Variants in PRKAR1B observed in about 807,000 individuals in gnomAD.
PRKAR1B encodes the protein cAMP-dependent protein kinase type I-beta regulatory subunit.
Under a neutral mutation model 46.5 loss-of-function variants are expected in PRKAR1B, and 22 were observed. That is an observed-to-expected ratio of 0.47 (90% CI 0.34 to 0.68). The LOEUF (loss-of-function observed/expected upper bound fraction) is 0.68. PRKAR1B is among the 30% of genes least tolerant of loss of function. The pLI is 0.01. For synonymous variants in PRKAR1B, 259 were observed against 217.7 expected, an observed-to-expected ratio of 1.19 and a Z score of -1.67; for missense variants, 445 against 535.6, an observed-to-expected ratio of 0.83 and a Z score of 1.67.
At chr7:695,055 C>T (rs1307120972) in intron 2 of PRKAR1B, among the ~76,000 whole-genome samples, 5 of 151,000 alleles carry the variant, frequency 3.3e-5, no homozygotes, top group South Asian at 4.2e-4. Context: ...AAGAACCAAG[C>T]GAACAAACGA....
intron 4 of PRKAR1B, among the ~76,000 whole-genome samples, chr7:665,430 C>T (rs1391354671): frequency 6.6e-6 from 1 of 152,154 alleles, no homozygotes; most frequent in Non-Finnish European, 1.5e-5. Flanking sequence ...ATGCCCGAGG[C>T]CCATGGCCCA....
chr7:553,566 ACAGCCCCAGCCGGCCTG>A (rs1488235192), intron 9 of PRKAR1B, among the ~76,000 whole-genome samples: 1 of 152,196 alleles, frequency 6.6e-6, no homozygotes, highest in Non-Finnish European at 1.5e-5. Context: ...TCACGTCCCC[ACAGCCCCAGCCGGCCTG>A]GCAGACGGCG....
intron 1 of PRKAR1B, among the ~76,000 whole-genome samples, chr7:722,836 G>A (rs191230477): frequency 1.7e-4 from 26 of 152,330 alleles, no homozygotes; most frequent in Admixed American, 3.3e-4. Flanking sequence ...TACGATGTTT[G>A]CAGACTCCTT....
chr7:708,631 C>T (rs995450410), intron 2 of PRKAR1B, among the ~76,000 whole-genome samples: 1 of 151,958 alleles, frequency 6.6e-6, no homozygotes, highest in East Asian at 1.9e-4. Flanking sequence ...GGATTACAGG[C>T]ACATGCCACC....
chr7:685,369 T>TACATACATATATATATATATACAC (rs1469213474), intron 2 of PRKAR1B, among the ~76,000 whole-genome samples: 1 of 27,198 alleles, frequency 3.7e-5, no homozygotes, highest in African/African-American at 1.8e-4. Context: ...TATATACACA[T>TACATACATATATATATATATACAC]ATATATATAT....
Position 666,149 on chromosome 7 carries a change from G to A in PRKAR1B, c.440+11080C>T, listed in dbSNP as rs1238437209. Among the ~76,000 whole-genome samples the A allele has an allele frequency of 6.6e-6, 1 of 152,146 alleles. No individual in the cohort carries two copies. The highest frequency in any genetic ancestry group is 6.5e-5 in the Admixed American group (1 of 15,276). ...GCTCAGCGATGCTCCCCCTACAGGC[G>A]CCCTAATCAGGGAAAGCCGGGAAGG... On this transcript the variant is annotated intron_variant, in intron 4 of 10. Coordinates refer to ENST00000537384, the MANE Select transcript of PRKAR1B (RefSeq NM_001164760.2). This position sits in a 1 kb window ranked among gnomAD's most constrained non-coding sequence, Gnocchi z 4.9.
At chr7:563,674 C>T (rs1048454918) in intron 9 of PRKAR1B, among the ~76,000 whole-genome samples, 15 of 151,960 alleles carry the variant, frequency 9.9e-5, no homozygotes, top group East Asian at 3.9e-4. Context: ...CATGTGTGCA[C>T]GTGTGCATAC....
chr7:633,001 A>C (rs991454016), intron 4 of PRKAR1B, among the ~76,000 whole-genome samples: 2 of 152,246 alleles, frequency 1.3e-5, no homozygotes, highest in East Asian at 3.8e-4. Context: ...GAGGGAAGCC[A>C]GGCGCGCGGG....
At chr7:728,191 T>A (rs1479119328), upstream of PRKAR1B, among the ~76,000 whole-genome samples, 1 of 152,152 alleles carries the variant, frequency 6.6e-6, no homozygotes, top group Non-Finnish European at 1.5e-5. Flanking sequence ...TCTTGCCCTT[T>A]CCCTCCCCTG....
chr7:609,381 G>A (rs1782344746), intron 4 of PRKAR1B, among the ~76,000 whole-genome samples: 1 of 152,042 alleles, frequency 6.6e-6, no homozygotes, highest in African/African-American at 2.4e-5. Flanking sequence ...GTAATCAAAT[G>A]GACACTGTGT....
chr7:692,090 CAGG>C (rs372542451), intron 2 of PRKAR1B, among the ~76,000 whole-genome samples: 35 of 152,326 alleles, frequency 2.3e-4, no homozygotes, highest in African/African-American at 7.7e-4. Context: ...CTACACAAAC[CAGG>C]AGGTCTCACT....
chr7:695,269 G>A (rs1040488988), intron 2 of PRKAR1B, among the ~76,000 whole-genome samples: 43 of 152,262 alleles, frequency 2.8e-4, no homozygotes, highest in Admixed American at 1.2e-3. Flanking sequence ...TCTGCCAACC[G>A]CAGCCCAGAA....
At chr7:641,276 G>T (rs889521355) in intron 4 of PRKAR1B, among the ~76,000 whole-genome samples, 1 of 152,098 alleles carries the variant, frequency 6.6e-6, no homozygotes, top group Non-Finnish European at 1.5e-5. Context: ...TTTAAAGGCC[G>T]GGAAAAGACC....
chr7:604,332 C>T lies in PRKAR1B; in HGVS notation c.549+1861G>A, dbSNP rs894868821. Among the ~76,000 whole-genome samples the T allele has an allele frequency of 3.3e-5, 5 of 152,344 alleles. No homozygotes were observed. In the East Asian group the frequency reaches 9.7e-4, roughly 29 times the overall value. On this transcript the variant is annotated intron_variant, in intron 6 of 10. Transcript: ENST00000537384. ...TGAGCCCAGGGTTGACCCGCCAGTG[C>T]CGCCCTCCAGCCTTCCCCCTCCACA...
chr7:620,096 C>T (rs1783035267), intron 4 of PRKAR1B, among the ~76,000 whole-genome samples: 1 of 151,616 alleles, frequency 6.6e-6, no homozygotes, highest in Non-Finnish European at 1.5e-5. Context: ...TCAAACAATC[C>T]TCCCACCTCA....
chr7:569,751 A>G lies in PRKAR1B; in HGVS notation c.891+9505T>C, dbSNP rs555735088. Reference sequence around the variant, plus strand: ...GGGGAGGGATGCTGGCACCTGGTGGACAGCAGGCAGGGTGAGGCCGGAGTC... The same window carrying G: ...GGGGAGGGATGCTGGCACCTGGTGGGCAGCAGGCAGGGTGAGGCCGGAGTC... On this transcript the variant is annotated intron_variant, in intron 9 of 10. Coordinates refer to ENST00000537384, the MANE Select transcript of PRKAR1B (RefSeq NM_001164760.2). Among the ~76,000 whole-genome samples the G allele has an allele frequency of 7.9e-5, 12 of 152,244 alleles. No homozygotes were observed. In the East Asian group the frequency reaches 2.3e-3, roughly 30 times the overall value.
chr7:726,089 TGCA>T (rs1275671228), intron 1 of PRKAR1B, among the ~76,000 whole-genome samples: 1 of 150,440 alleles, frequency 6.6e-6, no homozygotes, highest in Non-Finnish European at 1.5e-5. Flanking sequence ...AGCCAGTTTC[TGCA>T]TGCAGCCAGT....
At chr7:673,981 T>C (rs111731006) in intron 4 of PRKAR1B, among the ~76,000 whole-genome samples, 2 of 152,180 alleles carry the variant, frequency 1.3e-5, no homozygotes, top group Non-Finnish European at 2.9e-5. Flanking sequence ...CCTCTTCCCC[T>C]TCTGTGTGTG....
Position 726,506 on chromosome 7 carries a change from G to A in PRKAR1B, c.-23+704C>T, listed in dbSNP as rs890516356. ...CCGAGACCTTCCCCATCTGTACAAT[G>A]GGGACAGGACAAGGCCCAGCAGGCA... On this transcript the variant is annotated intron_variant, in intron 1 of 10. Transcript: ENST00000537384. 1.6e-5 allele frequency: 6 copies of A among 386,232 alleles called. No individual in the cohort carries two copies. The Admixed American group carries it at 1.8e-4, about 12-fold the overall frequency. The allele number at this position is 386,232 out of a possible 1,614,324, so 23.9% of individuals were successfully genotyped here.
Sources: gnomAD v4.1 joint callset for allele counts (sites outside exome capture counted in the v4.1 genomes callset) on GRCh38, gnomAD v4.1.1 for gene constraint, Gnocchi (gnomAD v3.1) non-coding constraint, MANE v1.5 for transcripts, NCBI Gene and HGNC (gene_info 2026-07-23, HGNC 2026-07-21) for gene names.